The following TAB2 variants were observed in gnomAD, a reference collection of about 807,000 sequenced individuals.
TAB2 encodes TGF-beta-activated kinase 1 and MAP3K7-binding protein 2.
A neutral mutation model predicts 65.0 loss-of-function variants in TAB2; 3 were observed. The observed-to-expected ratio is 0.05, with a 90% confidence interval of 0.02 to 0.12. TAB2 has a LOEUF of 0.12. TAB2 is among the 10% of genes least tolerant of loss of function. The pLI is 1.00. For synonymous variants in TAB2, 298 were observed against 285.1 expected, an observed-to-expected ratio of 1.05 and a Z score of -0.46; for missense variants, 623 against 840.3, an observed-to-expected ratio of 0.74 and a Z score of 3.20.
intron 1 of TAB2, among the ~76,000 whole-genome samples, chr6:149,228,250 C>T (rs552124180): frequency 6.6e-6 from 1 of 152,294 alleles, no homozygotes; most frequent in South Asian, 2.1e-4. Flanking sequence ...ATCACCATGA[C>T]CATTTGAATT....
chr6:149,283,132 G>A (rs1281926101), intron 1 of TAB2, among the ~76,000 whole-genome samples: 1 of 152,148 alleles, frequency 6.6e-6, no homozygotes, highest in Non-Finnish European at 1.5e-5. Flanking sequence ...AGGCTCCCCG[G>A]GTGACACCGT....
intron 1 of TAB2, among the ~76,000 whole-genome samples, chr6:149,295,330 G>T (rs571558912): frequency 2.0e-5 from 3 of 152,080 alleles, no homozygotes; most frequent in Non-Finnish European, 4.4e-5. Flanking sequence ...TCTAAGTAAG[G>T]ATTTCTTTTT....
intron 1 of TAB2, among the ~76,000 whole-genome samples, chr6:149,261,813 A>G (rs1442855220): frequency 6.6e-6 from 1 of 152,230 alleles, no homozygotes; most frequent in African/African-American, 2.4e-5. Context: ...CTTATAATCA[A>G]CTACATGAAT....
chr6:149,343,449 G>A (rs1583105605), intron 1 of TAB2, among the ~76,000 whole-genome samples: 2 of 147,624 alleles, frequency 1.4e-5, no homozygotes, highest in South Asian at 4.2e-4. Flanking sequence ...TCCAGCCTGA[G>A]CAACAGAGTG....
chr6:149,368,804 G>A (rs558856396), intron 1 of TAB2, among the ~76,000 whole-genome samples: 3 of 152,162 alleles, frequency 2.0e-5, no homozygotes, highest in East Asian at 1.9e-4. Flanking sequence ...ATTTAATCAA[G>A]TGATGATAAA....
intron 1 of TAB2, among the ~76,000 whole-genome samples, chr6:149,224,944 G>T (rs1449706823): frequency 1.3e-5 from 2 of 152,180 alleles, no homozygotes. Context: ...TCAGTTCTAT[G>T]TATATAAAGG....
chr6:149,376,477 A>C (rs919096882), intron 2 of TAB2, among the ~76,000 whole-genome samples: 1 of 152,238 alleles, frequency 6.6e-6, no homozygotes, highest in African/African-American at 2.4e-5. Context: ...CTTGTTTGGA[A>C]CATGCTTTTA....
intron 3 of TAB2, among the ~76,000 whole-genome samples, chr6:149,384,244 C>G (rs1270745467): frequency 6.6e-6 from 1 of 152,060 alleles, no homozygotes; most frequent in East Asian, 1.9e-4. Flanking sequence ...ATTTGGTAAC[C>G]AAAATGCATT....
chr6:149,331,284 A>G (rs567817940), intron 1 of TAB2, among the ~76,000 whole-genome samples: 2 of 152,160 alleles, frequency 1.3e-5, no homozygotes, highest in South Asian at 2.1e-4. Context: ...ATGTTTTGTT[A>G]GATTTATACC....
At chr6:149,308,817 C>T (rs1324295839) in intron 1 of TAB2, among the ~76,000 whole-genome samples, 6 of 152,260 alleles carry the variant, frequency 3.9e-5, no homozygotes, top group South Asian at 2.1e-4. Context: ...TGAGCCACCA[C>T]GTCCGGCCGA....
rs146981966 is a variant in TAB2 at position 149,345,327 on chromosome 6, A to G, written c.-89-24582A>G. On this transcript the variant is annotated intron_variant, in intron 1 of 6. Coordinates refer to ENST00000637181, the MANE Select transcript of TAB2 (RefSeq NM_001292034.3). ...TAGAAAGTAACTGTAAATCTCATCTATCAAGCATCCTGATAATTGGTCAGT... is the reference window on the plus strand; with the variant it reads ...TAGAAAGTAACTGTAAATCTCATCTGTCAAGCATCCTGATAATTGGTCAGT... 4.2e-4 allele frequency among the ~76,000 whole-genome samples: 64 copies of G among 152,274 alleles called. 1 individual carries two copies. In the East Asian group the frequency reaches 0.011, roughly 26 times the overall value.
At chr6:149,358,640 CTGTGTGTGTG>C (rs370116039) in intron 1 of TAB2, among the ~76,000 whole-genome samples, 3 of 121,632 alleles carry the variant, frequency 2.5e-5, no homozygotes, top group Admixed American at 1.8e-4. Flanking sequence ...CTTCAGAACT[CTGTGTGTGTG>C]TGTGTGTGTG....
rs188795795 is a variant in TAB2 at position 149,306,293 on chromosome 6, C to G, written c.-120-71725C>G. Among the ~76,000 whole-genome samples, 722 of 152,244 alleles carry G rather than the reference C, an allele frequency of 4.7e-3. 4 individuals carry two copies. Among genetic ancestry groups the G allele is most frequent in the Middle Eastern group, 0.027 (8 of 294 alleles). On this transcript the variant is annotated intron_variant, in intron 1 of 1. Transcript: ENST00000606202. The stretch of plus-strand genomic sequence containing the variant: ...CGGTGGCTCACGCCTGTAATCCCAG[C>G]ACTTTGGGAGGCTGAGGTGGGCTGA...
At chr6:149,260,551 G>A (rs1233504452) in intron 1 of TAB2, among the ~76,000 whole-genome samples, 1 of 152,234 alleles carries the variant, frequency 6.6e-6, no homozygotes, top group Non-Finnish European at 1.5e-5. Flanking sequence ...AGGATAAACT[G>A]TTGCTACACA....
Position 149,378,470 on chromosome 6 carries a change from C to A in TAB2, c.555C>A (p.Ile185=), listed in dbSNP as rs765990978. Residue 185 remains isoleucine, a synonymous_variant, in exon 3 of 7, where the codon ATC becomes ATA. Coordinates refer to ENST00000637181, the MANE Select transcript of TAB2 (RefSeq NM_001292034.3). ...NPIMVTLAPN[I]QTGRNTPTSL... is the part of the protein sequence containing the mutation. ...TTATGGTAACTTTAGCCCCAAATATCCAGACTGGTCGTAATACTCCTACAT... is the reference window on the plus strand; with the variant it reads ...TTATGGTAACTTTAGCCCCAAATATACAGACTGGTCGTAATACTCCTACAT... 8.7e-6 allele frequency: 14 copies of A among 1,614,100 alleles called. No homozygotes were observed. Among genetic ancestry groups the A allele is most frequent in the Non-Finnish European group, 1.2e-5 (14 of 1,180,056 alleles).
intron 1 of TAB2, among the ~76,000 whole-genome samples, chr6:149,279,646 T>A (rs987685787): frequency 8.5e-5 from 13 of 152,188 alleles, no homozygotes; most frequent in Non-Finnish European, 1.6e-4. Context: ...CCACAAAGAA[T>A]ATCTGGCCTG....
chr6:149,240,192 G>T lies in TAB2; in HGVS notation c.-121+21416G>T, dbSNP rs909540447. Reference sequence around the variant, plus strand: ...CTAAGGACTGGGCCCTCGGCTCAGGGCCTTACCCATGTAATCTGAGCATGG... The same window carrying T: ...CTAAGGACTGGGCCCTCGGCTCAGGTCCTTACCCATGTAATCTGAGCATGG... On this transcript the variant is annotated intron_variant, in intron 1 of 1. Transcript: ENST00000606202. Among the ~76,000 whole-genome samples the T allele has an allele frequency of 5.3e-5, 8 of 152,216 alleles. 1 individual carries two copies. Among genetic ancestry groups the T allele is most frequent in the African/African-American group, 1.9e-4 (8 of 41,444 alleles).
chr6:149,270,872 G>A (rs1192659965), intron 1 of TAB2, among the ~76,000 whole-genome samples: 1 of 152,108 alleles, frequency 6.6e-6, no homozygotes, highest in Admixed American at 6.6e-5. Flanking sequence ...ATGACATAGA[G>A]GAGGTACTGT....
At chr6:149,386,365 T>C (rs888300452) in intron 3 of TAB2, among the ~76,000 whole-genome samples, 3 of 152,212 alleles carry the variant, frequency 2.0e-5, no homozygotes, top group African/African-American at 7.2e-5. Flanking sequence ...TTCACTGATA[T>C]GTGCAGCCAT....
Sources: allele counts gnomAD v4.1 joint callset (sites outside exome capture counted in the v4.1 genomes callset), GRCh38; gene constraint gnomAD v4.1.1; transcripts MANE v1.5; gene names NCBI Gene and HGNC (gene_info 2026-07-23, HGNC 2026-07-21).